The following KLF12 variants were observed in gnomAD, a reference collection of about 807,000 sequenced individuals.
KLF12 encodes the protein Krueppel-like factor 12.
Under a neutral mutation model 37.8 loss-of-function variants are expected in KLF12, and 9 were observed. That is an observed-to-expected ratio of 0.24 (90% CI 0.14 to 0.42). The LOEUF is 0.42. Among genes scored for constraint, KLF12 ranks in the 10% least tolerant of loss-of-function variants. KLF12 has a pLI of 1.00. For missense variants in KLF12, 411 were observed against 516.0 expected, an observed-to-expected ratio of 0.80 and a Z score of 1.97; for synonymous variants, 208 against 202.1, an observed-to-expected ratio of 1.03 and a Z score of -0.25.
the KLF12 span, among the ~76,000 whole-genome samples, chr13:74,167,799 A>G: frequency 6.6e-6 from 1 of 152,204 alleles, no homozygotes; most frequent in South Asian, 2.1e-4. Flanking sequence ...TATTATCAAA[A>G]CAGCAATGCC....
chr13:73,878,680 G>C (rs117710693), intron 3 of KLF12, among the ~76,000 whole-genome samples: 2,742 of 149,726 alleles, frequency 0.018, 102 homozygotes, highest in Admixed American at 0.089. Context: ...GCAAGAGAGT[G>C]CCATGGGAGG....
chr13:74,219,401 C>A, the KLF12 span, among the ~76,000 whole-genome samples: 1 of 152,174 alleles, frequency 6.6e-6, no homozygotes, highest in Admixed American at 6.5e-5. Flanking sequence ...CCTCTTAATA[C>A]AAACTATGAA....
rs544089368 is a variant in KLF12 at position 73,705,284 on chromosome 13, T to C, written c.1028-9613A>G. Among the ~76,000 whole-genome samples the C allele has an allele frequency of 2.0e-3, 304 of 152,302 alleles. 5 individuals are homozygous for C. The highest frequency in any genetic ancestry group is 0.014 in the Middle Eastern group (4 of 292). On this transcript the variant is annotated intron_variant, in intron 7 of 7. Coordinates refer to ENST00000377669, the MANE Select transcript of KLF12 (RefSeq NM_007249.5). ...TATGAATCAACATTTTATTTATTTA[T>C]TTATTTTGAGATGGAGTCTTGCTCT...
At chr13:74,259,858 C>T in the KLF12 span, 2 of 152,050 alleles carry the variant, frequency 1.3e-5, no homozygotes, top group Non-Finnish European at 2.9e-5. Context: ...CTGTGGGGCC[C>T]GATACCATGA....
At chr13:73,991,112 C>T (rs1049165177) in intron 2 of KLF12, among the ~76,000 whole-genome samples, 1 of 152,174 alleles carries the variant, frequency 6.6e-6, no homozygotes, top group African/African-American at 2.4e-5. Flanking sequence ...AGATACCCAA[C>T]ACTGAAGTGA....
chr13:73,855,470 C>T (rs558091348), intron 3 of KLF12, among the ~76,000 whole-genome samples: 228 of 152,274 alleles, frequency 1.5e-3, no homozygotes, highest in African/African-American at 5.4e-3. Context: ...TGTATATGTA[C>T]CACATTTCCT....
Position 73,719,262 on chromosome 13 carries a change from T to C in KLF12, c.870-3737A>G, listed in dbSNP as rs192934397. 3.8e-3 allele frequency among the ~76,000 whole-genome samples: 580 copies of C among 152,172 alleles called. 5 individuals carry two copies. The highest frequency in any genetic ancestry group is 0.013 in the African/African-American group (539 of 41,516). On this transcript the variant is annotated intron_variant, in intron 6 of 7. Transcript: ENST00000377669. ...AAGCTCCAAGAGTGCTGCGTTGTGT[T>C]GGGATCCCCAGCATATATCCACAGT...
intron 6 of KLF12, among the ~76,000 whole-genome samples, chr13:73,748,831 T>C (rs1330211754): frequency 2.6e-5 from 4 of 152,256 alleles, no homozygotes; most frequent in African/African-American, 4.8e-5. Flanking sequence ...CAGGTAGAAT[T>C]TGAATCTGCA....
the KLF12 span, among the ~76,000 whole-genome samples, chr13:74,185,833 G>A: frequency 2.9e-4 from 44 of 152,086 alleles, no homozygotes; most frequent in Admixed American, 3.9e-4. Flanking sequence ...TAATAGAGAC[G>A]GGGTTTCACC....
upstream of KLF12, among the ~76,000 whole-genome samples, chr13:74,133,940 C>A (rs1192964173): frequency 6.6e-6 from 1 of 152,102 alleles, no homozygotes; most frequent in African/African-American, 2.4e-5. Context: ...GGGGGGCAAC[C>A]CGGGGAACTG....
chr13:73,889,327 G>A (rs909425756), intron 3 of KLF12, among the ~76,000 whole-genome samples: 1 of 152,106 alleles, frequency 6.6e-6, no homozygotes, highest in Non-Finnish European at 1.5e-5. Context: ...TCCCTTTGCA[G>A]TGACTTATAG....
intron 1 of KLF12, among the ~76,000 whole-genome samples, chr13:74,047,604 A>T (rs997162366): frequency 6.3e-4 from 95 of 150,404 alleles, no homozygotes; most frequent in African/African-American, 2.2e-3. Context: ...CTCAAATAAA[A>T]AAAAAAAAAA....
At chr13:73,889,487 TTAAC>T (rs1887400450) in intron 3 of KLF12, among the ~76,000 whole-genome samples, 1 of 152,144 alleles carries the variant, frequency 6.6e-6, no homozygotes, top group South Asian at 2.1e-4. Context: ...ATCTAAGAGG[TTAAC>T]TTTCTTTTAA....
intron 5 of KLF12, among the ~76,000 whole-genome samples, chr13:73,765,489 C>G (rs1018731280): frequency 6.6e-6 from 1 of 152,060 alleles, no homozygotes; most frequent in African/African-American, 2.4e-5. Context: ...AATCTGCAGG[C>G]ACAGGGAAGG....
intron 1 of KLF12, among the ~76,000 whole-genome samples, chr13:74,122,084 A>G (rs1337291035): frequency 6.6e-6 from 1 of 152,088 alleles, no homozygotes; most frequent in Non-Finnish European, 1.5e-5. Context: ...AGAGAAAGAG[A>G]AGGAATTGCT....
At chr13:74,106,092 G>A (rs559010657) in intron 1 of KLF12, among the ~76,000 whole-genome samples, 2 of 152,132 alleles carry the variant, frequency 1.3e-5, no homozygotes, top group Admixed American at 6.5e-5. Flanking sequence ...CACTGTGACT[G>A]TCCTCAAGAC....
intron 6 of KLF12, among the ~76,000 whole-genome samples, chr13:73,726,043 T>C (rs1438415540): frequency 2.0e-5 from 3 of 151,882 alleles, no homozygotes; most frequent in Non-Finnish European, 4.4e-5. Flanking sequence ...TAATTTTGTA[T>C]TGTTTTTAGT....
chr13:73,713,166 C>G (rs1202404412), intron 7 of KLF12, among the ~76,000 whole-genome samples: 1 of 152,146 alleles, frequency 6.6e-6, no homozygotes, highest in African/African-American at 2.4e-5. Context: ...TGGTTCATGA[C>G]AGTGTTGAGA....
chr13:74,112,966 G>A (rs185895559), intron 1 of KLF12, among the ~76,000 whole-genome samples: 3 of 152,104 alleles, frequency 2.0e-5, no homozygotes, highest in Non-Finnish European at 4.4e-5. Context: ...ATAAGAAAAC[G>A]AAACAGCTTT....
Sources: allele counts gnomAD v4.1 joint callset (sites outside exome capture counted in the v4.1 genomes callset), GRCh38; gene constraint gnomAD v4.1.1; transcripts MANE v1.5; gene names NCBI Gene and HGNC (gene_info 2026-07-23, HGNC 2026-07-21).